Variants in RNF168 observed in about 807,000 individuals in gnomAD.
RNF168 encodes E3 ubiquitin-protein ligase RNF168.
Under a neutral mutation model 34.9 loss-of-function variants are expected in RNF168, and 34 were observed. That is an observed-to-expected ratio of 0.97 (90% confidence interval 0.74 to 1.30). The LOEUF (loss-of-function observed/expected upper bound fraction) is 1.30, where lower values mean the gene tolerates loss of function less well. RNF168 is among the 50% of genes most tolerant of loss of function. RNF168 has a pLI of 0.00. For synonymous variants in RNF168, 264 were observed against 254.7 expected (o/e 1.04, Z -0.35); for missense variants, 725 against 682.5 (o/e 1.06, Z -0.69).
At chr3:196,488,346 G>C (rs1293348186) in intron 2 of RNF168, among the ~76,000 whole-genome samples, 1 of 151,758 alleles carries the variant, frequency 6.6e-6, no homozygotes, top group Admixed American at 6.6e-5. Context: ...GCCAGGCGTA[G>C]TGGCGGGCGC....
rs757241889 is a variant in RNF168, at chr3:196,502,863, G to C, written c.301+10C>G. 9.3e-6 allele frequency: 15 copies of C among 1,611,084 alleles called. No homozygotes were observed. Among genetic ancestry groups the C allele is most frequent in the Non-Finnish European group, 4.2e-6 (5 of 1,177,386 alleles). ...GCTTTTGGCCAACAAACACGCCATG[G>C]TTTACTCACCCACTTCCTCTGATTC... On this transcript the variant is annotated intron_variant, in intron 1 of 5. Transcript: ENST00000318037.
At chr3:196,488,264 A>G (rs566241617) in intron 2 of RNF168, among the ~76,000 whole-genome samples, 20 of 152,028 alleles carry the variant, frequency 1.3e-4, no homozygotes, top group Admixed American at 7.2e-4. Context: ...GGCGGATCAC[A>G]AGGTCAGGAG....
At chr3:196,489,866 T>C (rs1732552020) in intron 1 of RNF168, among the ~76,000 whole-genome samples, 1 of 152,172 alleles carries the variant, frequency 6.6e-6, no homozygotes. Context: ...AATCCTCGAC[T>C]TACCGGCATT....
At chr3:196,500,874 G>C (rs977549692) in intron 1 of RNF168, among the ~76,000 whole-genome samples, 22 of 151,666 alleles carry the variant, frequency 1.5e-4, no homozygotes, top group African/African-American at 5.1e-4. Context: ...AACATGCCCG[G>C]CTAATTTTTT....
chr3:196,472,439 C>T lies in RNF168; in HGVS notation c.1096G>A (p.Gly366Arg). ...APTSGVTQTN[G>R]NNTGETENEE... ...TTTTCTGTCTCACCTGTGTTGTTTC[C>T]ATTTGTCTGTGTCACCCCTGATGTG... is the stretch of plus-strand genomic sequence containing the variant. The change falls in exon 6 of 6, where the codon GGA (glycine) becomes AGA (arginine). Residue 366 changes from glycine to arginine, a missense_variant. By Grantham distance (125) the Gly-to-Arg change is moderately radical (BLOSUM62 -2). Coordinates refer to ENST00000318037, the MANE Select transcript of RNF168 (RefSeq NM_152617.4). The T allele has an allele frequency of 6.2e-7, 1 of 1,613,698 alleles. No individual in the cohort carries two copies. The highest frequency in any genetic ancestry group is 8.5e-7 in the Non-Finnish European group (1 of 1,179,814).
intron 1 of RNF168, among the ~76,000 whole-genome samples, chr3:196,494,276 A>T (rs1412578893): frequency 2.6e-5 from 4 of 152,208 alleles, no homozygotes; most frequent in Non-Finnish European, 4.4e-5. Context: ...AGTTCTGGTT[A>T]ACTCTAAAAT....
At chr3:196,475,033 T>G in intron 5 of RNF168, 198 bp downstream of exon 5, 2 of 552,784 alleles carry the variant, frequency 3.6e-6, no homozygotes, top group Non-Finnish European at 6.5e-6. Context: ...AACTTTGCTT[T>G]TTGTAGTATG....
intron 5 of RNF168, 124 bp downstream of exon 5, chr3:196,475,107 G>C (rs1227034852): frequency 1.5e-6 from 1 of 684,640 alleles, no homozygotes; most frequent in Non-Finnish European, 2.7e-6. Flanking sequence ...GAGCCTAAGA[G>C]GACTCAGACA....
In RNF168 at chr3:196,469,722, C is replaced by G. The variant is rs1731954387; in HGVS notation, c.*2097G>C. 6.6e-6 allele frequency: 1 copy of G among 152,170 alleles called. No individual in the cohort carries two copies. Among genetic ancestry groups the G allele is most frequent in the African/African-American group, 2.4e-5 (1 of 41,450 alleles). 9.4% of individuals were successfully genotyped at this position (152,170 alleles called of 1,614,324 possible). ...GAAAGGGCAAAACCCAAGCACCATA[C>G]TTTCTATTTCTGTTCATAAACTCAA... is the stretch of plus-strand genomic sequence containing the variant. On this transcript the variant is annotated 3_prime_UTR_variant, in exon 6 of 6. Coordinates refer to ENST00000318037, the MANE Select transcript of RNF168 (RefSeq NM_152617.4).
At chr3:196,502,054 GAAA>G (rs554041803) in intron 1 of RNF168, among the ~76,000 whole-genome samples, 1,195 of 49,980 alleles carry the variant, frequency 0.024, 10 homozygotes, top group African/African-American at 0.065. Context: ...AAAAAAATTA[GAAA>G]AAAAAAAAAA....
chr3:196,479,483 TAG>T (rs2108646956), intron 4 of RNF168, among the ~76,000 whole-genome samples: 1 of 151,988 alleles, frequency 6.6e-6, no homozygotes, highest in Non-Finnish European at 1.5e-5. Context: ...TTATTTTTTG[TAG>T]AGACAGGGTT....
At chr3:196,484,481 T>G (rs1732376810) in intron 3 of RNF168, among the ~76,000 whole-genome samples, 1 of 119,684 alleles carries the variant, frequency 8.4e-6, no homozygotes, top group Non-Finnish European at 1.6e-5. Flanking sequence ...GCCTTTTTTT[T>G]TTTTTTTTTT....
At chr3:196,497,938 G>A (rs1204981845) in intron 1 of RNF168, among the ~76,000 whole-genome samples, 2 of 152,102 alleles carry the variant, frequency 1.3e-5, no homozygotes, top group Admixed American at 6.5e-5. Context: ...CAATGGAAGA[G>A]GGCAAAACTG....
In RNF168 at chr3:196,503,635, T is replaced by C. The variant is rs988271751; in HGVS notation, c.-462A>G. 15 of 220,090 alleles carry C rather than the reference T, an allele frequency of 6.8e-5. No homozygotes were observed. Among genetic ancestry groups the C allele is most frequent in the Non-Finnish European group, 1.3e-4 (14 of 107,292 alleles). 13.6% of individuals were successfully genotyped at this position (220,090 alleles called of 1,614,324 possible). A position where few individuals can be genotyped will look rare whatever the true frequency, so the allele number is the denominator to read the frequency against. On this transcript the variant is annotated 5_prime_UTR_variant, in exon 1 of 6. Coordinates refer to ENST00000318037, the MANE Select transcript of RNF168 (RefSeq NM_152617.4). ...AGCATAACTTCCGCTTTACCGCTGC[T>C]GCGGGGGAGACGCGCGACTCCCGTG...
At chr3:196,498,924 G>A (rs1236696093) in intron 1 of RNF168, among the ~76,000 whole-genome samples, 1 of 151,792 alleles carries the variant, frequency 6.6e-6, no homozygotes, top group East Asian at 1.9e-4. Flanking sequence ...GAACCCAGGA[G>A]ACGGAGGTTG....
intron 3 of RNF168, among the ~76,000 whole-genome samples, chr3:196,486,745 C>A (rs1186284631): frequency 6.6e-6 from 1 of 152,218 alleles, no homozygotes; most frequent in Admixed American, 6.5e-5. Flanking sequence ...AGGAAGCTTT[C>A]ATTCTTCACT....
intron 1 of RNF168, among the ~76,000 whole-genome samples, chr3:196,501,710 T>C (rs1190644078): frequency 1.3e-5 from 2 of 152,194 alleles, no homozygotes; most frequent in Non-Finnish European, 2.9e-5. Context: ...GTTTGTTATA[T>C]ACATTTTGGA....
At chr3:196,489,151 C>T (rs1471876025) in intron 1 of RNF168, among the ~76,000 whole-genome samples, 3 of 152,054 alleles carry the variant, frequency 2.0e-5, no homozygotes, top group African/African-American at 7.2e-5. Context: ...CCACCACGCC[C>T]GGCCTGGAAT....
At chr3:196,497,256 A>C (rs1331495751) in intron 1 of RNF168, among the ~76,000 whole-genome samples, 5 of 152,224 alleles carry the variant, frequency 3.3e-5, no homozygotes, top group Admixed American at 6.5e-5. Context: ...ATTTTTTTTA[A>C]AAAGTCTTTT....
Sources: gnomAD v4.1 joint callset for allele counts (sites outside exome capture counted in the v4.1 genomes callset) on GRCh38, gnomAD v4.1.1 for gene constraint, MANE v1.5 for transcripts, NCBI Gene and HGNC (gene_info 2026-07-23, HGNC 2026-07-21) for gene names.